Variants in ZFAT observed in about 807,000 individuals in gnomAD.
The protein encoded by ZFAT is zinc finger protein ZFAT.
Under a neutral mutation model 117.7 loss-of-function variants are expected in ZFAT, and 64 were observed. That is an observed-to-expected ratio of 0.54 (90% CI 0.44 to 0.67). The LOEUF is 0.67. ZFAT is among the 30% of genes least tolerant of loss of function. The pLI is 0.00. For synonymous variants in ZFAT, 679 were observed against 615.0 expected (o/e 1.10, Z -1.54); for missense variants, 1,433 against 1,584.5 (o/e 0.90, Z 1.62).
At chr8:134,598,076 C>T (rs1827100979) in intron 7 of ZFAT, 1 of 152,254 alleles carries the variant, frequency 6.6e-6, no homozygotes, top group Non-Finnish European at 1.5e-5. Flanking sequence ...TCCAAGAGAC[C>T]TACCAAGAAC....
intron 11 of ZFAT, among the ~76,000 whole-genome samples, chr8:134,562,210 A>T (rs1387022244): frequency 2.0e-5 from 3 of 152,236 alleles, no homozygotes; most frequent in Admixed American, 1.3e-4. Context: ...TGTAGAAGCC[A>T]GAAATGCAAG....
At chr8:134,548,993 A>G (rs1304691668) in intron 11 of ZFAT, among the ~76,000 whole-genome samples, 1 of 152,226 alleles carries the variant, frequency 6.6e-6, no homozygotes, top group Non-Finnish European at 1.5e-5. Context: ...AACTGTGCCC[A>G]CGAGAAACTT....
chr8:134,787,536 G>A, the ZFAT span, among the ~76,000 whole-genome samples: 2 of 152,066 alleles, frequency 1.3e-5, no homozygotes, highest in African/African-American at 4.8e-5. Flanking sequence ...TGTTACTTTG[G>A]TCTATTTGTC....
chr8:134,664,587 C>T (rs1832115764), intron 1 of ZFAT, among the ~76,000 whole-genome samples: 1 of 152,250 alleles, frequency 6.6e-6, no homozygotes, highest in African/African-American at 2.4e-5. Flanking sequence ...CAGCTGCAAT[C>T]ACTGGGTACG....
At chr8:134,765,723 T>C in the ZFAT span, 1 of 151,348 alleles carries the variant, frequency 6.6e-6, no homozygotes, top group Non-Finnish European at 1.5e-5. Flanking sequence ...AAAAAAAAAG[T>C]CTATGGCTGC....
At chr8:134,593,229 A>AT (rs542603937) in intron 7 of ZFAT, among the ~76,000 whole-genome samples, 1 of 150,594 alleles carries the variant, frequency 6.6e-6, no homozygotes, top group South Asian at 2.1e-4. Context: ...CTGCTATTTG[A>AT]TTTTTTTTCT....
At position 134,620,108 on chromosome 8, in the gene ZFAT, G is replaced by C. The variant is rs752900349; in HGVS notation, c.449-9453C>G. Among the ~76,000 whole-genome samples, 142 of 152,306 alleles carry C rather than the reference G, an allele frequency of 9.3e-4. 3 individuals carry two copies. The Middle Eastern group carries it at 0.014, about 15-fold the overall frequency. The stretch of plus-strand genomic sequence containing the variant: ...GGGCCTGGCTAGTGGACTATAAGTG[G>C]TTTCAATAAAAGGCATTTTTGCTTT... On this transcript the variant is annotated intron_variant, in intron 3 of 15. Transcript: ENST00000377838.
At chr8:134,690,262 T>C (rs983866872) in intron 1 of ZFAT, among the ~76,000 whole-genome samples, 4 of 152,180 alleles carry the variant, frequency 2.6e-5, no homozygotes, top group Admixed American at 2.0e-4. Context: ...ATTCAAGAGT[T>C]AGGAAAATCG....
chr8:134,830,584 C>T, the ZFAT span, among the ~76,000 whole-genome samples: 19 of 152,324 alleles, frequency 1.2e-4, no homozygotes, highest in African/African-American at 4.6e-4. Context: ...TGGTTAACAC[C>T]AAATTCACAG....
intron 15 of ZFAT, among the ~76,000 whole-genome samples, chr8:134,488,337 G>T (rs1282014742): frequency 6.6e-6 from 1 of 152,236 alleles, no homozygotes; most frequent in African/African-American, 2.4e-5. Context: ...GGGAACAGGT[G>T]TGAAAGGCCA....
chr8:134,600,760 T>A, intron 6 of ZFAT, 92 bp from the exon 7 acceptor site: 1 of 1,023,074 alleles, frequency 9.8e-7, no homozygotes, highest in Non-Finnish European at 1.4e-6. Flanking sequence ...CTACAATATC[T>A]ATCTCCCTCT....
intron 5 of ZFAT, among the ~76,000 whole-genome samples, chr8:134,607,340 CA>C (rs1403631782): frequency 6.6e-6 from 1 of 152,206 alleles, no homozygotes; most frequent in African/African-American, 2.4e-5. Context: ...ATTGAAGCTA[CA>C]AATTAATGAA....
chr8:134,707,111 G>GTCAC (rs145414288), intron 1 of ZFAT, among the ~76,000 whole-genome samples: 2,291 of 152,194 alleles, frequency 0.015, 65 homozygotes, highest in African/African-American at 0.053. Flanking sequence ...TCACACCTGT[G>GTCAC]TCACTGTACC....
chr8:134,537,371 C>T (rs1821916785), intron 11 of ZFAT, among the ~76,000 whole-genome samples: 1 of 152,208 alleles, frequency 6.6e-6, no homozygotes, highest in Non-Finnish European at 1.5e-5. Context: ...CTCCCTAAAA[C>T]CCCAACTGAG....
intron 1 of ZFAT, among the ~76,000 whole-genome samples, chr8:134,691,063 C>A (rs1833560100): frequency 6.6e-6 from 1 of 152,062 alleles, no homozygotes; most frequent in Non-Finnish European, 1.5e-5. Flanking sequence ...TCCAGCTTCC[C>A]AGCCTGTATC....
chr8:134,642,769 C>T (rs1225028176), intron 2 of ZFAT, among the ~76,000 whole-genome samples: 4 of 152,238 alleles, frequency 2.6e-5, no homozygotes, highest in Non-Finnish European at 5.9e-5. Flanking sequence ...ATCACACCAA[C>T]TCAAGAATTT....
chr8:134,493,736 C>G (rs74387616), intron 15 of ZFAT, among the ~76,000 whole-genome samples: 26,248 of 152,206 alleles, frequency 0.17, 2,412 homozygotes, highest in Admixed American at 0.26. Context: ...CGGTCTGCTG[C>G]CCCCTTCCCT....
the ZFAT span, among the ~76,000 whole-genome samples, chr8:134,781,083 G>A: frequency 5.9e-5 from 9 of 152,016 alleles, no homozygotes; most frequent in Non-Finnish European, 1.2e-4. Flanking sequence ...TTGGAATGCA[G>A]GTAGGGAAGG....
chr8:134,683,851 G>C (rs548508564), intron 1 of ZFAT, among the ~76,000 whole-genome samples: 3 of 152,084 alleles, frequency 2.0e-5, no homozygotes, highest in East Asian at 1.9e-4. Context: ...GTCAATGGAG[G>C]CCCAAATATT....
Sources: gnomAD v4.1 joint callset for allele counts (sites outside exome capture counted in the v4.1 genomes callset) on GRCh38, gnomAD v4.1.1 for gene constraint, MANE v1.5 for transcripts, NCBI Gene and HGNC (gene_info 2026-07-23, HGNC 2026-07-21) for gene names.